RBFOX1: variants seen among roughly 807,000 people sequenced by gnomAD.
The protein encoded by RBFOX1 is RNA binding fox-1 homolog 1, also known as RNA binding protein fox-1 homolog 1.
In RBFOX1, 8 loss-of-function variants were observed where a neutral mutation model predicts 57.7. That is an observed-to-expected ratio of 0.14 (90% confidence interval 0.08 to 0.25). The LOEUF is 0.25. RBFOX1 is among the 10% of genes least tolerant of loss of function. RBFOX1 has a pLI of 1.00. For missense variants in RBFOX1, 611 were observed against 548.5 expected (o/e 1.11, Z -1.14); for synonymous variants, 326 against 222.4 (o/e 1.47, Z -4.15).
intron 4 of RBFOX1, among the ~76,000 whole-genome samples, chr16:7,321,741 G>A (rs1459821457): frequency 1.3e-5 from 2 of 152,228 alleles, no homozygotes; most frequent in Non-Finnish European, 2.9e-5. Context: ...AGATTGTCAT[G>A]TAAGAGCCAG....
At chr16:7,441,413 T>C (rs1240247870) in intron 4 of RBFOX1, among the ~76,000 whole-genome samples, 1 of 152,140 alleles carries the variant, frequency 6.6e-6, no homozygotes, top group Non-Finnish European at 1.5e-5. Context: ...GAGATGATGT[T>C]GCCTAAGCCT....
At chr16:5,470,516 C>A (rs1360993298) in intron 2 of RBFOX1, among the ~76,000 whole-genome samples, 1 of 152,138 alleles carries the variant, frequency 6.6e-6, no homozygotes, top group Admixed American at 6.6e-5. Context: ...TATCTCTCTC[C>A]CTCTACCTTT....
chr16:7,492,626 A>G (rs773984022), intron 4 of RBFOX1, among the ~76,000 whole-genome samples: 12 of 152,150 alleles, frequency 7.9e-5, no homozygotes, highest in Non-Finnish European at 1.6e-4. Flanking sequence ...CCAGTGTTGG[A>G]CTTAGGGCCT....
chr16:6,503,697 C>G (rs1248156497), intron 2 of RBFOX1, among the ~76,000 whole-genome samples: 7 of 152,148 alleles, frequency 4.6e-5, no homozygotes, highest in Non-Finnish European at 1.0e-4. Flanking sequence ...CATCTTTCAT[C>G]CCTTCCATAT....
intron 3 of RBFOX1, among the ~76,000 whole-genome samples, chr16:5,837,887 C>T (rs1042071598): frequency 1.3e-5 from 2 of 152,034 alleles, no homozygotes; most frequent in African/African-American, 4.8e-5. Context: ...TTGGCTGGGG[C>T]AGAGGACCCC....
At chr16:5,957,341 A>C (rs1258123766) in intron 4 of RBFOX1, among the ~76,000 whole-genome samples, 4 of 151,888 alleles carry the variant, frequency 2.6e-5, no homozygotes, top group Non-Finnish European at 5.9e-5. Flanking sequence ...CAGCCTCCCG[A>C]GTAGCTGGGA....
At chr16:6,625,169 A>AG (rs2098286256) in intron 2 of RBFOX1, among the ~76,000 whole-genome samples, 1 of 149,570 alleles carries the variant, frequency 6.7e-6, no homozygotes, top group African/African-American at 2.4e-5. Flanking sequence ...AAAAAAAAAA[A>AG]AAAAAAAAAA....
At chr16:7,503,273 G>A (rs911033631) in intron 4 of RBFOX1, among the ~76,000 whole-genome samples, 1 of 152,056 alleles carries the variant, frequency 6.6e-6, no homozygotes, top group African/African-American at 2.4e-5. Flanking sequence ...CAACGTTCAC[G>A]GCAGAGTTGC....
rs1158785681 is a variant in RBFOX1 at position 7,036,255 on chromosome 16, T to A, written c.-15-15802T>A. Reference sequence around the variant, plus strand: ...TAGTTGTTACATGATTTATTTCTTTTGACATTCTCTACAATGTGTAGATGT... The same window carrying A: ...TAGTTGTTACATGATTTATTTCTTTAGACATTCTCTACAATGTGTAGATGT... On this transcript the variant is annotated intron_variant, in intron 3 of 15. Coordinates refer to ENST00000550418, the MANE Select transcript of RBFOX1 (RefSeq NM_018723.4). Among the ~76,000 whole-genome samples the A allele has an allele frequency of 2.0e-5, 3 of 152,098 alleles. No individual in the cohort carries two copies. The East Asian group carries it at 5.8e-4, about 29-fold the overall frequency.
At chr16:7,684,339 G>C (rs2075585051) in intron 14 of RBFOX1, among the ~76,000 whole-genome samples, 1 of 152,032 alleles carries the variant, frequency 6.6e-6, no homozygotes, top group Non-Finnish European at 1.5e-5. Context: ...GCCACTATTG[G>C]AATTTGAGGG....
At chr16:7,592,932 C>T (rs1047069523) in intron 7 of RBFOX1, among the ~76,000 whole-genome samples, 1 of 151,658 alleles carries the variant, frequency 6.6e-6, no homozygotes, top group African/African-American at 2.4e-5. Context: ...GCTCCCACCT[C>T]AGCCTCCCAA....
intron 5 of RBFOX1, among the ~76,000 whole-genome samples, chr16:7,561,037 G>T (rs1375335419): frequency 3.9e-5 from 6 of 152,136 alleles, no homozygotes; most frequent in Admixed American, 3.9e-4. Flanking sequence ...ACTGGTTCAG[G>T]TTATGTCTTC....
chr16:6,774,956 C>T (rs1000061115), intron 3 of RBFOX1, among the ~76,000 whole-genome samples: 5 of 152,092 alleles, frequency 3.3e-5, no homozygotes, highest in African/African-American at 4.8e-5. Context: ...AGGCCCTAAT[C>T]TCATCTCCTC....
Position 6,680,915 on chromosome 16 carries a change from A to G in RBFOX1, c.-16+26265A>G, listed in dbSNP as rs181689681. On this transcript the variant is annotated intron_variant, in intron 3 of 15. Coordinates refer to ENST00000550418, the MANE Select transcript of RBFOX1 (RefSeq NM_018723.4). Reference sequence around the variant, plus strand: ...TTGAATCAATATTTATACAAAGATTACAATATAAATGCAAATTGAGCTGCA... The same window carrying G: ...TTGAATCAATATTTATACAAAGATTGCAATATAAATGCAAATTGAGCTGCA... Among the ~76,000 whole-genome samples the G allele has an allele frequency of 1.8e-3, 272 of 152,364 alleles. 1 individual carries two copies. Among genetic ancestry groups the G allele is most frequent in the Middle Eastern group, 3.4e-3 (1 of 294 alleles).
intron 3 of RBFOX1, among the ~76,000 whole-genome samples, chr16:6,656,960 T>TTCCTCTCCTCTCCTCCCCTC (rs2098660771): frequency 2.8e-4 from 4 of 14,170 alleles, no homozygotes; most frequent in Non-Finnish European, 4.8e-4. Context: ...CTCCTCCCCT[T>TTCCTCTCCTCTCCTCCCCTC]TCCTCTCCTC....
chr16:6,564,805 A>G (rs1022476304), intron 2 of RBFOX1, among the ~76,000 whole-genome samples: 1 of 152,102 alleles, frequency 6.6e-6, no homozygotes, highest in Non-Finnish European at 1.5e-5. Context: ...CACATTGTAC[A>G]CCTTGAATCT....
intron 3 of RBFOX1, among the ~76,000 whole-genome samples, chr16:6,894,098 A>G (rs1157644161): frequency 1.3e-5 from 2 of 152,226 alleles, no homozygotes; most frequent in Non-Finnish European, 2.9e-5. Context: ...TGATAGATAG[A>G]CGAACAGATA....
rs61639403 is a variant in RBFOX1 at position 5,776,891 on chromosome 16, G to A, written c.319-90412G>A. ...TCAAACACGGTGGCCATTTGCCATG[G>A]ATGTATGGATGTCTACTGAGCACGT... On this transcript the variant is annotated intron_variant, in intron 3 of 19. Transcript: ENST00000641259. Among the ~76,000 whole-genome samples the A allele has an allele frequency of 5.9e-3, 896 of 152,340 alleles. 8 individuals are homozygous for A. Among genetic ancestry groups the A allele is most frequent in the African/African-American group, 0.02 (851 of 41,576 alleles).
At chr16:7,452,338 G>T (rs2098875560) in intron 4 of RBFOX1, among the ~76,000 whole-genome samples, 1 of 152,202 alleles carries the variant, frequency 6.6e-6, no homozygotes, top group Non-Finnish European at 1.5e-5. Flanking sequence ...TTAGCGTGTA[G>T]GTGATGTGCA....
Sources: allele counts gnomAD v4.1 joint callset (sites outside exome capture counted in the v4.1 genomes callset), GRCh38; gene constraint gnomAD v4.1.1; transcripts MANE v1.5; gene names NCBI Gene and HGNC (gene_info 2026-07-23, HGNC 2026-07-21).